The following CSMD1 variants were observed in gnomAD, a reference collection of about 807,000 sequenced individuals.
CSMD1 encodes the protein CUB and sushi domain-containing protein 1.
CSMD1 carries 213 observed loss-of-function variants against 417.5 expected under a neutral mutation model. That is an observed-to-expected ratio of 0.51 (90% confidence interval 0.46 to 0.57). The LOEUF (loss-of-function observed/expected upper bound fraction) is 0.57, where lower values mean the gene tolerates loss of function less well. Among genes scored for constraint, CSMD1 ranks in the 20% least tolerant of loss-of-function variants. CSMD1 has a pLI of 0.00. For missense variants in CSMD1, 6,923 were observed against 4,529.7 expected, an observed-to-expected ratio of 1.53 and a Z score of -15.17; for synonymous variants, 2,862 against 1,736.8, an observed-to-expected ratio of 1.65 and a Z score of -16.11.
chr8:4,902,026 C>A lies in CSMD1; in HGVS notation c.85+92306G>T, dbSNP rs192279356. ...GCTGTAAGGAAATGCAGCTATGATG[C>A]AAACATACTGTGGCTTTGGCTATAT... is the stretch of plus-strand genomic sequence containing the variant. On this transcript the variant is annotated intron_variant, in intron 1 of 69. Transcript: ENST00000635120. Among the ~76,000 whole-genome samples the A allele has an allele frequency of 5.3e-3, 810 of 152,218 alleles. 9 individuals carry two copies. The highest frequency in any genetic ancestry group is 0.019 in the African/African-American group (783 of 41,520).
intron 3 of CSMD1, among the ~76,000 whole-genome samples, chr8:4,390,490 C>G (rs1056848568): frequency 4.9e-5 from 2 of 40,832 alleles, no homozygotes; most frequent in Non-Finnish European, 9.7e-5. Context: ...CCCACAGAAG[C>G]GTCCATTTTT....
At chr8:4,400,279 G>C (rs991441150) in intron 3 of CSMD1, among the ~76,000 whole-genome samples, 2 of 152,324 alleles carry the variant, frequency 1.3e-5, no homozygotes, top group Non-Finnish European at 2.9e-5. Context: ...ATTAAAATAA[G>C]TAAGATACTA....
At chr8:3,301,480 G>C (rs975262462) in intron 25 of CSMD1, among the ~76,000 whole-genome samples, 2 of 152,138 alleles carry the variant, frequency 1.3e-5, no homozygotes, top group South Asian at 2.1e-4. Flanking sequence ...GAAATGATGA[G>C]ATCAGGGAAC....
At chr8:3,813,535 C>T (rs932992046) in intron 5 of CSMD1, among the ~76,000 whole-genome samples, 1 of 152,112 alleles carries the variant, frequency 6.6e-6, no homozygotes, top group African/African-American at 2.4e-5. Flanking sequence ...GATCCATCTA[C>T]TCTAATATAA....
intron 1 of CSMD1, among the ~76,000 whole-genome samples, chr8:4,677,578 G>C (rs1805775721): frequency 6.6e-6 from 1 of 152,092 alleles, no homozygotes; most frequent in Non-Finnish European, 1.5e-5. Context: ...TGCTTTCATA[G>C]TGCCTAAGTA....
chr8:4,588,116 G>T (rs2724988), intron 2 of CSMD1, among the ~76,000 whole-genome samples: 102,156 of 151,946 alleles, frequency 0.67, 35,250 homozygotes, highest in African/African-American at 0.85. Context: ...CCTCTAGCTA[G>T]AGTGGATAAT....
intron 9 of CSMD1, 102 bp downstream of exon 9, chr8:3,586,034 C>T (rs1800584152): frequency 1.7e-6 from 2 of 1,201,498 alleles, no homozygotes; most frequent in South Asian, 1.7e-5. Flanking sequence ...CCGAATTCTA[C>T]TCTTCCCATA....
At chr8:3,503,604 G>C (rs1454898563) in intron 10 of CSMD1, among the ~76,000 whole-genome samples, 1 of 152,154 alleles carries the variant, frequency 6.6e-6, no homozygotes, top group Non-Finnish European at 1.5e-5. Flanking sequence ...CCTTTTGTCA[G>C]CTTTAAATGG....
intron 3 of CSMD1, among the ~76,000 whole-genome samples, chr8:4,357,595 C>T (rs565105278): frequency 7.2e-5 from 11 of 152,012 alleles, no homozygotes; most frequent in African/African-American, 2.7e-4. Context: ...AGTATTAGTC[C>T]TTTAGGATAC....
At chr8:4,699,509 C>T (rs746498850) in intron 1 of CSMD1, among the ~76,000 whole-genome samples, 16 of 152,268 alleles carry the variant, frequency 1.1e-4, no homozygotes, top group Non-Finnish European at 2.4e-4. Flanking sequence ...AGCTGTACAT[C>T]GAACACTCAG....
At chr8:3,984,710 T>TC (rs1184811260) in intron 5 of CSMD1, among the ~76,000 whole-genome samples, 107 of 22,816 alleles carry the variant, frequency 4.7e-3, no homozygotes, top group Non-Finnish European at 5.8e-3. Flanking sequence ...ATATCATATA[T>TC]ATATATATAT....
intron 3 of CSMD1, among the ~76,000 whole-genome samples, chr8:4,321,358 G>C (rs1246573233): frequency 6.6e-6 from 1 of 152,018 alleles, no homozygotes; most frequent in East Asian, 1.9e-4. Context: ...TCCCGCGCTG[G>C]CAGTTAAAGC....
At chr8:3,186,572 G>C (rs986146233) in intron 36 of CSMD1, among the ~76,000 whole-genome samples, 4 of 152,118 alleles carry the variant, frequency 2.6e-5, no homozygotes, top group South Asian at 2.1e-4. Flanking sequence ...AATGGAAGTT[G>C]TATCAGACAC....
Position 3,733,836 on chromosome 8 carries a change from T to C in CSMD1, c.931+20094A>G, listed in dbSNP as rs146911654. 2.4e-3 allele frequency among the ~76,000 whole-genome samples: 363 copies of C among 152,308 alleles called. 2 individuals carry two copies. Among genetic ancestry groups the C allele is most frequent in the African/African-American group, 8.3e-3 (345 of 41,552 alleles). Reference sequence around the variant, plus strand: ...GTTTTTACTTTATTATTAGTTATTGTTTATCTCATATGTGCCCCGTTTATA... The same window carrying C: ...GTTTTTACTTTATTATTAGTTATTGCTTATCTCATATGTGCCCCGTTTATA... On this transcript the variant is annotated intron_variant, in intron 6 of 69. Coordinates refer to ENST00000635120, the MANE Select transcript of CSMD1 (RefSeq NM_033225.6).
At chr8:4,402,429 G>C (rs552512482) in intron 3 of CSMD1, among the ~76,000 whole-genome samples, 1 of 152,092 alleles carries the variant, frequency 6.6e-6, no homozygotes, top group African/African-American at 2.4e-5. Flanking sequence ...TCCTGCAGCT[G>C]AGAGTGACTG....
intron 2 of CSMD1, among the ~76,000 whole-genome samples, chr8:4,548,821 G>C (rs957887232): frequency 9.9e-5 from 15 of 152,256 alleles, no homozygotes; most frequent in African/African-American, 3.1e-4. Flanking sequence ...TATATGGAGA[G>C]CATACTGCCT....
chr8:3,714,453 T>A (rs930674678), intron 6 of CSMD1, among the ~76,000 whole-genome samples: 9 of 150,116 alleles, frequency 6.0e-5, no homozygotes, highest in Non-Finnish European at 1.0e-4. Context: ...CCAGGCATGG[T>A]GGTTCACATC....
chr8:4,782,917 G>A (rs528790058), intron 1 of CSMD1, among the ~76,000 whole-genome samples: 6 of 149,612 alleles, frequency 4.0e-5, no homozygotes, highest in African/African-American at 1.5e-4. Context: ...TGCCATATTT[G>A]GATTCTTATA....
At chr8:4,650,347 GAAAA>G (rs61642390) in intron 1 of CSMD1, among the ~76,000 whole-genome samples, 117 of 78,266 alleles carry the variant, frequency 1.5e-3, no homozygotes, top group African/African-American at 4.7e-3. Context: ...TCCGTCTCAA[GAAAA>G]AAAAAAAAAA....
Sources: gnomAD v4.1 joint callset for allele counts (sites outside exome capture counted in the v4.1 genomes callset) on GRCh38, gnomAD v4.1.1 for gene constraint, MANE v1.5 for transcripts, NCBI Gene and HGNC (gene_info 2026-07-23, HGNC 2026-07-21) for gene names.